Variants in ZNF512B observed in about 807,000 individuals in gnomAD.
ZNF512B encodes zinc finger protein 512B.
A neutral mutation model predicts 87.8 loss-of-function variants in ZNF512B; 22 were observed. That is an observed-to-expected ratio of 0.25 (90% confidence interval 0.18 to 0.36). The LOEUF (loss-of-function observed/expected upper bound fraction) is 0.36, where lower values mean the gene tolerates loss of function less well. ZNF512B is among the 10% of genes least tolerant of loss of function. The pLI is 1.00. For missense variants in ZNF512B, 1,060 were observed against 1,231.6 expected, an observed-to-expected ratio of 0.86 and a Z score of 2.09; for synonymous variants, 524 against 490.9, an observed-to-expected ratio of 1.07 and a Z score of -0.89.
Position 63,964,724 on chromosome 20 carries a change from G to T in ZNF512B, c.1035-8C>A. The T allele has an allele frequency of 6.2e-7, 1 of 1,609,664 alleles. No individual in the cohort carries two copies. On this transcript the variant is annotated splice_region_variant and splice_polypyrimidine_tract_variant and intron_variant, in intron 5 of 16. Transcript: ENST00000369888. ...TCCAGGCTGTCCGCAGCCCTGCAGG[G>T]AGCAGGTGAGGTGAGGGCCAGGAGG...
At chr20:63,962,535 G>A in intron 13 of ZNF512B, 52 bp downstream of exon 13, 10 of 1,570,196 alleles carry the variant, frequency 6.4e-6, no homozygotes, top group Non-Finnish European at 8.6e-6. Context: ...GCCAAGGCAT[G>A]CCCCACGCAG....
At position 63,959,500 on chromosome 20, in the gene ZNF512B, T is replaced by G; in HGVS notation, c.*388A>C. On this transcript the variant is annotated 3_prime_UTR_variant, in exon 17 of 17. Coordinates refer to ENST00000369888, the MANE Select transcript of ZNF512B (RefSeq NM_020713.3). ...GCCCAGAACCACAGGTCACCAGGGA[T>G]GCCTGAGCCTTGGGGTAGCCAGGGA... 1 of 233,680 alleles carries G rather than the reference T, an allele frequency of 4.3e-6. No homozygotes were observed. Among genetic ancestry groups the G allele is most frequent in the Non-Finnish European group, 8.3e-6 (1 of 120,828 alleles). 14.5% of individuals were successfully genotyped at this position (233,680 alleles called of 1,614,324 possible).
rs1309222978 is a variant in ZNF512B, at chr20:63,958,899, G to C, written c.*989C>G. The C allele has an allele frequency of 1.3e-5, 2 of 152,404 alleles. No individual in the cohort carries two copies. The highest frequency in any genetic ancestry group is 4.8e-5 in the African/African-American group (2 of 41,462). 9.4% of individuals were successfully genotyped at this position (152,404 alleles called of 1,614,324 possible). On this transcript the variant is annotated 3_prime_UTR_variant, in exon 17 of 17. Transcript: ENST00000369888. ...GCCACTGGGCCTACCCAGATTGGCA[G>C]ACAGAAGGCTGCCTTTCCCCCAGTG...
Position 63,959,887 on chromosome 20 carries a change from C to A in ZNF512B, c.*1G>T. On this transcript the variant is annotated 3_prime_UTR_variant, in exon 17 of 17. Transcript: ENST00000369888. ...TGGGGGCCAGGCCCCACGCACCATG[C>A]TCACTTTTCAGGCGCCTTGCTGACT... 1 of 1,577,286 alleles carries A rather than the reference C, an allele frequency of 6.3e-7. No individual in the cohort carries two copies. Among genetic ancestry groups the A allele is most frequent in the Non-Finnish European group, 8.6e-7 (1 of 1,166,768 alleles).
chr20:63,960,265 A>C, intron 16 of ZNF512B, 126 bp from the exon 17 acceptor site: 3 of 1,395,494 alleles, frequency 2.1e-6, no homozygotes, highest in Non-Finnish European at 2.9e-6. Flanking sequence ...AGGGCTGGAC[A>C]CAGCCTTTAG....
At chr20:63,962,554 G>A (rs759892110) in intron 13 of ZNF512B, 33 bp downstream of exon 13, 33 of 1,589,272 alleles carry the variant, frequency 2.1e-5, no homozygotes, top group Non-Finnish European at 2.7e-5. Flanking sequence ...AGAGGCCACG[G>A]CGCTGTCCAC....
In ZNF512B at chr20:63,959,552, G is replaced by A. The variant is rs571336733; in HGVS notation, c.*336C>T. 14 of 323,024 alleles carry A rather than the reference G, an allele frequency of 4.3e-5. No homozygotes were observed. The highest frequency in any genetic ancestry group is 8.5e-5 in the African/African-American group (4 of 46,838). The allele number at this position is 323,024 out of a possible 1,614,324, so 20.0% of individuals were successfully genotyped here. On this transcript the variant is annotated 3_prime_UTR_variant, in exon 17 of 17. Coordinates refer to ENST00000369888, the MANE Select transcript of ZNF512B (RefSeq NM_020713.3). ...GGGACCCGGCAGGGCCTGAGGAAGC[G>A]GAGCCGGGGGGCCAAAGGCCATCTG...
rs1453691648 is a variant in ZNF512B, at chr20:63,966,641, C to T, written c.534G>A (p.Arg178=). 2.5e-6 allele frequency: 4 copies of T among 1,613,398 alleles called. No individual in the cohort carries two copies. Among genetic ancestry groups the T allele is most frequent in the Non-Finnish European group, 3.4e-6 (4 of 1,179,934 alleles). ...CAACAGGCCGGCTGATGGTGACCGGCCTGCTGATGGGCCCAGGCTTGGAGG... is the reference window on the plus strand; with the variant it reads ...CAACAGGCCGGCTGATGGTGACCGGTCTGCTGATGGGCCCAGGCTTGGAGG... ...LPASKPGPIS[R]PVTISRPVGV... is the part of the protein sequence containing the mutation. Residue 178 remains arginine (R), a synonymous_variant, in exon 5 of 17, where the codon AGG becomes AGA. Transcript: ENST00000369888.
Position 63,967,987 on chromosome 20 carries a change from G to GGGCC in ZNF512B, c.-2-39_-2-36dup, listed in dbSNP as rs369375363. 589 of 1,582,284 alleles carry GGGCC rather than the reference G, an allele frequency of 3.7e-4. 1 individual carries two copies. The African/African-American group carries it at 6.8e-3, about 18-fold the overall frequency. On this transcript the variant is annotated intron_variant, in intron 1 of 16. Transcript: ENST00000369888. ...AAGTAGACAATCTGTGAAGCCTGAC[G>GGGCC]GGCCCCACTTGGAACACGTGGTGAG...
chr20:63,967,351 G>A (rs751406599), intron 3 of ZNF512B, 30 bp downstream of exon 3: 4 of 1,565,378 alleles, frequency 2.6e-6, no homozygotes, highest in East Asian at 4.5e-5. Context: ...ACCCCAGCAT[G>A]AGCCCCACCA....
rs2058737395 is a variant in ZNF512B, at chr20:63,957,088, G to A, written c.*2800C>T. ...TGGGGCCCCGCCAAACGCGGCACACGGGGACGGCCCCTCCCGGGGTCAGGC... is the reference window on the plus strand; with the variant it reads ...TGGGGCCCCGCCAAACGCGGCACACAGGGACGGCCCCTCCCGGGGTCAGGC... On this transcript the variant is annotated 3_prime_UTR_variant, in exon 17 of 17. Transcript: ENST00000369888. 6.6e-6 allele frequency: 1 copy of A among 152,474 alleles called. No homozygotes were observed. The highest frequency in any genetic ancestry group is 2.4e-5 in the African/African-American group (1 of 41,464). The allele number at this position is 152,474 out of a possible 1,614,324, so 9.4% of individuals were successfully genotyped here. A position where few individuals can be genotyped will look rare whatever the true frequency, so the allele number is the denominator to read the frequency against.
chr20:63,961,460 C>T lies in ZNF512B; in HGVS notation c.2329-53G>A. On this transcript the variant is annotated intron_variant, in intron 15 of 16. Transcript: ENST00000369888. The surrounding 1 kb of genome is among the most constrained non-coding windows in gnomAD (Gnocchi z 6.4). ...CAGCCCTTGGAGGACCCAGATCTGT[C>T]CTAAGCCCCTACTCATGGCTAAAGG... 6.5e-7 allele frequency: 1 copy of T among 1,536,254 alleles called. No individual in the cohort carries two copies.
intron 8 of ZNF512B, 56 bp from the exon 9 acceptor site, chr20:63,963,969 G>A (rs904688836): frequency 9.4e-6 from 15 of 1,599,792 alleles, no homozygotes; most frequent in Admixed American, 1.7e-5. Flanking sequence ...TGGCCCAGAC[G>A]CCAGGCACAG....
Position 63,962,596 on chromosome 20 carries a change from C to G in ZNF512B, c.2154G>C (p.Glu718Asp), listed in dbSNP as rs1284784108. The G allele has an allele frequency of 6.2e-7, 1 of 1,605,660 alleles. No homozygotes were observed. Among genetic ancestry groups the G allele is most frequent in the African/African-American group, 1.3e-5 (1 of 74,886 alleles). Residue 718 changes from glutamate (E) to aspartate (D), a missense_variant, in exon 13 of 17, where the codon GAG becomes GAC. Physicochemically the swap from Glu to Asp is conservative, Grantham distance 45. Coordinates refer to ENST00000369888, the MANE Select transcript of ZNF512B (RefSeq NM_020713.3). The part of the protein sequence containing the change: ...KRRMKDDLVP[E>D]TARLNYTRPG... ...GGGGGGGGCAGCTCACCCGTGCGGT[C>G]TCGGGCACAAGGTCATCCTTCATGC...
At position 63,967,260 on chromosome 20, in the gene ZNF512B, C is replaced by G. The variant is rs956938907; in HGVS notation, c.264+121G>C. ...CCAGGCCACGTGAAGTCTGCCAGGC[C>G]AGTGCCCACATCTTGAGGCATAGAG... is the stretch of plus-strand genomic sequence containing the variant. On this transcript the variant is annotated intron_variant, in intron 3 of 16. Coordinates refer to ENST00000369888, the MANE Select transcript of ZNF512B (RefSeq NM_020713.3). The G allele has an allele frequency of 1.7e-5, 24 of 1,433,256 alleles. No individual in the cohort carries two copies. The African/African-American group carries it at 3.1e-4, about 19-fold the overall frequency. 88.8% of individuals were successfully genotyped at this position (1,433,256 alleles called of 1,614,324 possible). A position where few individuals can be genotyped will look rare whatever the true frequency, so the allele number is the denominator to read the frequency against.
chr20:63,960,008 T>C lies in ZNF512B; in HGVS notation c.2559A>G (p.Pro853=), dbSNP rs774071165. 6.2e-7 allele frequency: 1 copy of C among 1,613,448 alleles called. No individual in the cohort carries two copies. The highest frequency in any genetic ancestry group is 8.5e-7 in the Non-Finnish European group (1 of 1,180,020). Residue 853 remains proline (P), a synonymous_variant, in exon 17 of 17, where the codon CCA becomes CCG. Coordinates refer to ENST00000369888, the MANE Select transcript of ZNF512B (RefSeq NM_020713.3). The part of the protein sequence containing the change: ...KRGRKPKERT[P]EEPVAKLPPR... ...GGGGCAGCTTGGCCACAGGCTCCTC[T>C]GGGGTCCGCTCCTTGGGCTTTCGGC...
Position 63,961,002 on chromosome 20 carries a change from GCAAGCACCTGCAGCA to G in ZNF512B, c.2427+292_2427+306del, listed in dbSNP as rs1369001966. ...GGCTGGACACAGCCTTCGGGACCAG[GCAAGCACCTGCAGCA>G]GGGCTGGACACAGCCTTCGGGACCA... On this transcript the variant is annotated intron_variant, in intron 16 of 16. Transcript: ENST00000369888. This position sits in a 1 kb window ranked among gnomAD's most constrained non-coding sequence, Gnocchi z 6.4. Among the ~76,000 whole-genome samples the G allele has an allele frequency of 3.3e-5, 5 of 151,144 alleles. No individual in the cohort carries two copies. Among genetic ancestry groups the G allele is most frequent in the Admixed American group, 1.3e-4 (2 of 15,204 alleles).
chr20:63,969,104 G>T, intron 1 of ZNF512B: 1 of 985,426 alleles, frequency 1.0e-6, no homozygotes, highest in Non-Finnish European at 1.2e-6. Flanking sequence ...AGTGTCCGGG[G>T]ACAAAGTTCT....
chr20:63,964,566 C>T lies in ZNF512B; in HGVS notation c.1185G>A (p.Pro395=), dbSNP rs755318144. 29 of 1,612,964 alleles carry T rather than the reference C, an allele frequency of 1.8e-5. No individual in the cohort carries two copies. The highest frequency in any genetic ancestry group is 1.6e-4 in the Middle Eastern group (1 of 6,064). Residue 395 remains proline (P), a synonymous_variant, in exon 6 of 17, where the codon CCG becomes CCA. Coordinates refer to ENST00000369888, the MANE Select transcript of ZNF512B (RefSeq NM_020713.3). ...CCTTCAGTGCCTCCATGCCCCCTGA[C>T]GGCCTGCTGCCTGGCGACAAGGAGC... ...SSGSLSPGSR[P]SGGMEALKAA... is the part of the protein sequence containing the mutation.
Sources: allele counts gnomAD v4.1 joint callset (sites outside exome capture counted in the v4.1 genomes callset), GRCh38; gene constraint gnomAD v4.1.1; non-coding constraint Gnocchi (gnomAD v3.1); transcripts MANE v1.5; gene names NCBI Gene and HGNC (gene_info 2026-07-23, HGNC 2026-07-21).